The following COPS7B variants were observed in gnomAD, a reference collection of about 807,000 sequenced individuals.
COPS7B encodes COP9 signalosome subunit 7B.
COPS7B carries 9 observed loss-of-function variants against 33.4 expected under a neutral mutation model. That is an observed-to-expected ratio of 0.27 (90% CI 0.16 to 0.47). COPS7B has a LOEUF of 0.47. Ranked by LOEUF, COPS7B falls within the 20% of genes least tolerant of loss-of-function variation. The probability of loss-of-function intolerance (pLI) is 0.99; values close to 1 mark genes in which losing one functional copy is unlikely to be tolerated. For missense variants in COPS7B, 242 were observed against 318.2 expected (o/e 0.76, Z 1.82); for synonymous variants, 119 against 126.3 (o/e 0.94, Z 0.39).
At chr2:231,799,684 C>T (rs1180501249) in intron 6 of COPS7B, among the ~76,000 whole-genome samples, 2 of 152,158 alleles carry the variant, frequency 1.3e-5, no homozygotes, top group African/African-American at 2.4e-5. Flanking sequence ...TGGAGCCCTG[C>T]ACTGATTTTC....
Position 231,786,478 on chromosome 2 carries a change from T to C in COPS7B, c.-77T>C. The C allele has an allele frequency of 3.0e-6, 3 of 985,886 alleles. No individual in the cohort carries two copies. Among genetic ancestry groups the C allele is most frequent in the Non-Finnish European group, 3.6e-6 (3 of 830,056 alleles). The allele number at this position is 985,886 out of a possible 1,614,324, so 61.1% of individuals were successfully genotyped here. A position where few individuals can be genotyped will look rare whatever the true frequency, so the allele number is the denominator to read the frequency against. ...GGGTGATCATGGACGCTTGACAACC[T>C]GCGGGCAGGCGCCGGGAGGCCGAGC... On this transcript the variant is annotated 5_prime_UTR_variant, in exon 1 of 7. Coordinates refer to ENST00000350033, the MANE Select transcript of COPS7B (RefSeq NM_022730.4).
chr2:231,807,795 A>G lies in COPS7B; in HGVS notation c.*150A>G. On this transcript the variant is annotated 3_prime_UTR_variant, in exon 7 of 7. Coordinates refer to ENST00000350033, the MANE Select transcript of COPS7B (RefSeq NM_022730.4). Reference sequence around the variant, plus strand: ...CCCCACCCTGTTGGTACTGTTCCAGAAAAACTGTTACTCCCCCTCACCCAC... The same window carrying G: ...CCCCACCCTGTTGGTACTGTTCCAGGAAAACTGTTACTCCCCCTCACCCAC... The G allele has an allele frequency of 1.5e-6, 1 of 666,808 alleles. No homozygotes were observed. The highest frequency in any genetic ancestry group is 2.4e-6 in the Non-Finnish European group (1 of 409,664). The allele number at this position is 666,808 out of a possible 1,614,324, so 41.3% of individuals were successfully genotyped here. A position where few individuals can be genotyped will look rare whatever the true frequency, so the allele number is the denominator to read the frequency against.
intron 4 of COPS7B, 40 bp from the exon 5 acceptor site, chr2:231,796,066 C>T (rs1372970622): frequency 5.1e-6 from 8 of 1,579,562 alleles, no homozygotes; most frequent in African/African-American, 1.3e-5. Context: ...CTAATGCTTG[C>T]CAGATGGTTT....
intron 5 of COPS7B, among the ~76,000 whole-genome samples, chr2:231,797,697 T>C (rs2049612908): frequency 6.6e-6 from 1 of 152,168 alleles, no homozygotes; most frequent in African/African-American, 2.4e-5. Flanking sequence ...CTACCACATA[T>C]ATGGCAAAAT....
In COPS7B at chr2:231,798,915, A is replaced by G. The variant is rs61754512; in HGVS notation, c.587A>G (p.Asn196Ser). 7 of 1,614,132 alleles carry G rather than the reference A, an allele frequency of 4.3e-6. No homozygotes were observed. Among genetic ancestry groups the G allele is most frequent in the African/African-American group, 4.0e-5 (3 of 74,956 alleles). Reference protein sequence around the residue: ...LGIEQQVLRANQYKENHNRTQ... With the variant: ...LGIEQQVLRASQYKENHNRTQ... ...ATCGAGCAGCAAGTTCTGAGAGCCA[A>G]CCAGTACAAAGAGAACCACAACCGA... is the stretch of plus-strand genomic sequence containing the variant. The change falls in exon 6 of 7, where the codon AAC (asparagine) becomes AGC (serine). Residue 196 changes from asparagine (N) to serine (S), a missense_variant. By Grantham distance (46) the Asn-to-Ser change is conservative. Coordinates refer to ENST00000350033, the MANE Select transcript of COPS7B (RefSeq NM_022730.4).
At position 231,807,530 on chromosome 2, in the gene COPS7B, C is replaced by A. The variant is rs766574018; in HGVS notation, c.680C>A (p.Ser227Ter). 6.2e-7 allele frequency: 1 copy of A among 1,613,736 alleles called. No homozygotes were observed. The highest frequency in any genetic ancestry group is 8.5e-7 in the Non-Finnish European group (1 of 1,179,870). The part of the protein sequence containing the change: ...KKTLKATASS[S>*]AQEMEQQLAE... Reference sequence around the variant, plus strand: ...ACACTCAAAGCCACCGCATCCTCCTCGGCTCAGGAGATGGAGCAGCAGCTG... The same window carrying A: ...ACACTCAAAGCCACCGCATCCTCCTAGGCTCAGGAGATGGAGCAGCAGCTG... Residue 227 changes from serine (S) to a stop codon, truncating the protein, a stop_gained, in exon 7 of 7, where the codon TCG becomes TAG. Transcript: ENST00000350033. LOFTEE classifies it high-confidence loss of function.
chr2:231,791,927 T>A, intron 3 of COPS7B, 119 bp downstream of exon 3: 1 of 889,442 alleles, frequency 1.1e-6, no homozygotes, highest in Non-Finnish European at 1.9e-6. Context: ...CCTGGCTGCC[T>A]CCCATTTTGC....
chr2:231,804,248 ATTT>A (rs5839418), intron 6 of COPS7B, among the ~76,000 whole-genome samples: 11 of 138,252 alleles, frequency 8.0e-5, no homozygotes, highest in Admixed American at 2.1e-4. Flanking sequence ...GTATAAGCTG[ATTT>A]TTTTTTTTTT....
intron 1 of COPS7B, among the ~76,000 whole-genome samples, chr2:231,787,590 T>C (rs1425914630): frequency 1.3e-5 from 2 of 151,966 alleles, no homozygotes; most frequent in East Asian, 3.8e-4. Flanking sequence ...TTTTTACACA[T>C]TCTGAAGTCA....
At position 231,788,679 on chromosome 2, in the gene COPS7B, G is replaced by A. The variant is rs772651139; in HGVS notation, c.109G>A (p.Ala37Thr). 2 of 1,614,184 alleles carry A rather than the reference G, an allele frequency of 1.2e-6. No individual in the cohort carries two copies. Among genetic ancestry groups the A allele is most frequent in the Non-Finnish European group, 1.7e-6 (2 of 1,180,028 alleles). The change falls in exon 2 of 7, where the codon GCT (alanine) becomes ACT (threonine). Residue 37 changes from alanine to threonine, a missense_variant. Physicochemically the swap from Ala to Thr is moderately conservative, Grantham distance 58. Coordinates refer to ENST00000350033, the MANE Select transcript of COPS7B (RefSeq NM_022730.4). ...LTALISQVLE[A>T]PGVYVFGELL... ...TGCTCTCATAAGCCAGGTCTTAGAG[G>A]CTCCCGGAGTGTATGTCTTTGGAGA...
chr2:231,801,414 CT>C, intron 6 of COPS7B: 1 of 577,738 alleles, frequency 1.7e-6, no homozygotes. Flanking sequence ...TTACAAAGCA[CT>C]TTCACATTTA....
intron 6 of COPS7B, among the ~76,000 whole-genome samples, chr2:231,803,578 CAG>C (rs1489511238): frequency 6.6e-6 from 1 of 152,160 alleles, no homozygotes; most frequent in Non-Finnish European, 1.5e-5. Context: ...ATCTGAATAA[CAG>C]GGGAAAGTGT....
rs1559385257 is a variant in COPS7B at position 231,808,839 on chromosome 2, G to GTGTGTGTGTT, written c.*1197_*1198insGTGTGTTTGT. The GTGTGTGTGTT allele has an allele frequency of 4.4e-6, 1 of 227,496 alleles. No individual in the cohort carries two copies. The highest frequency in any genetic ancestry group is 2.4e-5 in the African/African-American group (1 of 40,992). 14.1% of individuals were successfully genotyped at this position (227,496 alleles called of 1,614,324 possible). A position where few individuals can be genotyped will look rare whatever the true frequency, so the allele number is the denominator to read the frequency against. On this transcript the variant is annotated 3_prime_UTR_variant, in exon 7 of 7. Transcript: ENST00000350033. ...TGTGTGTGTGTGTGTGTGTGTGTGT[G>GTGTGTGTGTT]TGTTTGTAGGTCCTGGACTGATTAA...
At chr2:231,785,701 C>G (rs1464370418), upstream of COPS7B, among the ~76,000 whole-genome samples, 1 of 152,134 alleles carries the variant, frequency 6.6e-6, no homozygotes, top group Admixed American at 6.5e-5. Flanking sequence ...GGCTGTTTTT[C>G]TCTCTCATTT....
intron 6 of COPS7B, among the ~76,000 whole-genome samples, chr2:231,804,104 A>G (rs2049825348): frequency 6.6e-6 from 1 of 152,220 alleles, no homozygotes; most frequent in Non-Finnish European, 1.5e-5. Flanking sequence ...TTATGCTACA[A>G]AAACATAGGT....
At chr2:231,801,277 C>G in intron 6 of COPS7B, 1 of 1,541,560 alleles carries the variant, frequency 6.5e-7, no homozygotes, top group South Asian at 1.2e-5. Flanking sequence ...GAAGAATATT[C>G]TCTCCATTTA....
intron 3 of COPS7B, chr2:231,792,152 A>G: frequency 2.1e-6 from 1 of 483,262 alleles, no homozygotes; most frequent in Non-Finnish European, 4.2e-6. Flanking sequence ...ATATTATCAA[A>G]ATAATACCAG....
intron 5 of COPS7B, among the ~76,000 whole-genome samples, chr2:231,798,299 C>T (rs1049801217): frequency 6.8e-6 from 1 of 146,552 alleles, no homozygotes; most frequent in Non-Finnish European, 1.5e-5. Context: ...CTCTGTCACC[C>T]AGGCTGGAGT....
chr2:231,805,468 A>T (rs867312307), intron 6 of COPS7B, among the ~76,000 whole-genome samples: 2 of 126,922 alleles, frequency 1.6e-5, no homozygotes, highest in African/African-American at 2.9e-5. Context: ...ATATATATAT[A>T]TTTATATATT....
Sources: gnomAD v4.1 joint callset for allele counts (sites outside exome capture counted in the v4.1 genomes callset) on GRCh38, gnomAD v4.1.1 for gene constraint, MANE v1.5 for transcripts, NCBI Gene and HGNC (gene_info 2026-07-23, HGNC 2026-07-21) for gene names.